Variants in TSGA10 observed in about 807,000 individuals in gnomAD.
TSGA10 encodes the protein testis specific 10.
A neutral mutation model predicts 96.6 loss-of-function variants in TSGA10; 43 were observed. The observed-to-expected ratio is 0.44, with a 90% CI of 0.35 to 0.57. The LOEUF (loss-of-function observed/expected upper bound fraction) is 0.57. Ranked by LOEUF, TSGA10 falls within the 20% of genes least tolerant of loss-of-function variation. The probability of loss-of-function intolerance (pLI) is 0.01; values close to 1 mark genes in which losing one functional copy is unlikely to be tolerated. For synonymous variants in TSGA10, 229 were observed against 269.9 expected (o/e 0.85, Z 1.48); for missense variants, 703 against 834.4 (o/e 0.84, Z 1.94).
intron 20 of TSGA10, among the ~76,000 whole-genome samples, chr2:99,004,965 C>A (rs1004890946): frequency 6.6e-6 from 1 of 152,200 alleles, no homozygotes; most frequent in Admixed American, 6.5e-5. Context: ...GGCTTCATCC[C>A]TGGGATGCAA....
Position 99,109,450 on chromosome 2 carries a change from T to C in TSGA10, c.-11A>G. On this transcript the variant is annotated 5_prime_UTR_variant, in exon 6 of 21. Transcript: ENST00000393483. The stretch of plus-strand genomic sequence containing the variant: ...CCTACTTCGCATCATCTTTCTCAAA[T>C]GTTGAGCTTCACTCTTATAGTGATC... The C allele has an allele frequency of 1.2e-6, 2 of 1,613,934 alleles. No homozygotes were observed. Among genetic ancestry groups the C allele is most frequent in the South Asian group, 1.1e-5 (1 of 91,074 alleles).
intron 12 of TSGA10, among the ~76,000 whole-genome samples, chr2:99,077,192 G>C (rs2086819646): frequency 8.2e-6 from 1 of 122,392 alleles, no homozygotes; most frequent in South Asian, 2.8e-4. Context: ...GCAGGCTGGA[G>C]TAGGATGGCA....
At chr2:99,112,890 G>C (rs1364924383) in intron 4 of TSGA10, among the ~76,000 whole-genome samples, 1 of 141,810 alleles carries the variant, frequency 7.1e-6, no homozygotes, top group East Asian at 2.4e-4. Context: ...GACAAACAAA[G>C]ACTTTACACA....
chr2:99,053,412 C>G (rs2083609354), intron 16 of TSGA10, among the ~76,000 whole-genome samples: 2 of 151,196 alleles, frequency 1.3e-5, no homozygotes, highest in Admixed American at 1.3e-4. Flanking sequence ...GATCATACAC[C>G]ATAATCAAGT....
Position 99,032,190 on chromosome 2 carries a change from G to A in TSGA10, c.1614+3040C>T, listed in dbSNP as rs552820793. On this transcript the variant is annotated intron_variant, in intron 17 of 20. Transcript: ENST00000393483. ...ATTTTTTTATTTACCACTTCCATCC[G>A]TGTCTCTTTCCTGCACTGAGTACTT... Among the ~76,000 whole-genome samples, 21 of 152,058 alleles carry A rather than the reference G, an allele frequency of 1.4e-4. No individual in the cohort carries two copies. The East Asian group carries it at 3.3e-3, about 24-fold the overall frequency.
chr2:99,102,469 C>A (rs1351747296), intron 10 of TSGA10: 10 of 1,613,520 alleles, frequency 6.2e-6, no homozygotes, highest in Non-Finnish European at 8.5e-6. Context: ...TCCTTGGTAG[C>A]CCTTGCTCTG....
chr2:99,034,035 T>C (rs1000565698), intron 17 of TSGA10, among the ~76,000 whole-genome samples: 2 of 152,112 alleles, frequency 1.3e-5, no homozygotes. Context: ...ACCCCTGAAC[T>C]TGGAAGGAAT....
chr2:99,033,209 TAAC>T (rs776965976), intron 17 of TSGA10, among the ~76,000 whole-genome samples: 1 of 152,218 alleles, frequency 6.6e-6, no homozygotes, highest in Admixed American at 6.5e-5. Context: ...CACCTGAACT[TAAC>T]AACGTTTTGC....
chr2:99,082,787 C>T (rs941111894), intron 10 of TSGA10, among the ~76,000 whole-genome samples: 1 of 151,932 alleles, frequency 6.6e-6, no homozygotes. Flanking sequence ...GACTACAGCA[C>T]TATCAAATAG....
chr2:99,127,073 C>G lies in TSGA10; in HGVS notation c.-517G>C, dbSNP rs1158331566. On this transcript the variant is annotated 5_prime_UTR_variant, in exon 2 of 21. Transcript: ENST00000393483. ...CTGTAATTTCAGTGTCGAGATGAAT[C>G]TATCTTGGTTTCTCACTTCTTGTTC... The G allele has an allele frequency of 7.8e-7, 1 of 1,289,426 alleles. No individual in the cohort carries two copies. The highest frequency in any genetic ancestry group is 1.0e-6 in the Non-Finnish European group (1 of 988,752). 79.9% of individuals were successfully genotyped at this position (1,289,426 alleles called of 1,614,324 possible). A position where few individuals can be genotyped will look rare whatever the true frequency, so the allele number is the denominator to read the frequency against.
At chr2:99,064,903 G>A in intron 16 of TSGA10, 36 bp downstream of exon 16, 12 of 1,508,744 alleles carry the variant, frequency 8.0e-6, no homozygotes, top group Non-Finnish European at 9.8e-6. Flanking sequence ...TAAATATGAT[G>A]CAGGATGTAT....
chr2:99,108,839 A>T lies in TSGA10; in HGVS notation c.204T>A (p.Tyr68Ter). 1.9e-6 allele frequency: 3 copies of T among 1,561,614 alleles called. No individual in the cohort carries two copies. The South Asian group carries it at 3.7e-5, about 19-fold the overall frequency. Reference protein sequence around the residue: ...KSERDKIFLLYEQAQEEITRL... With the variant: ...KSERDKIFLL ...TTGTTTTTTGTAAGTTTACCTGTTC[A>T]TAAAGAAGGAAGATCTTGTCTCTCT... The change falls in exon 7 of 21, where the codon TAT (tyrosine) becomes TAA (stop). Residue 68 changes from tyrosine to a stop codon, truncating the protein, a stop_gained. Coordinates refer to ENST00000393483, the MANE Select transcript of TSGA10 (RefSeq NM_025244.4). LOFTEE classifies it high-confidence loss of function.
chr2:99,106,766 TC>T (rs958624874), intron 7 of TSGA10, among the ~76,000 whole-genome samples: 1 of 152,112 alleles, frequency 6.6e-6, no homozygotes, highest in African/African-American at 2.4e-5. Flanking sequence ...TGAGATTCCT[TC>T]CTCCCTTTTA....
chr2:99,058,865 G>A (rs1311954792), intron 16 of TSGA10, among the ~76,000 whole-genome samples: 1 of 151,112 alleles, frequency 6.6e-6, no homozygotes, highest in Non-Finnish European at 1.5e-5. Context: ...GTGAAACCCT[G>A]TCTCTACTAA....
At chr2:99,052,379 T>G (rs1305870362) in intron 16 of TSGA10, among the ~76,000 whole-genome samples, 1 of 152,044 alleles carries the variant, frequency 6.6e-6, no homozygotes, top group African/African-American at 2.4e-5. Context: ...GAATAATTCC[T>G]AGAAATATAC....
At chr2:99,146,156 G>A (rs1056505728) in intron 1 of TSGA10, among the ~76,000 whole-genome samples, 1 of 152,162 alleles carries the variant, frequency 6.6e-6, no homozygotes, top group African/African-American at 2.4e-5. Flanking sequence ...GGTGGCAGGT[G>A]CCTGTAATCC....
At chr2:99,002,302 C>A (rs1200672129) in intron 20 of TSGA10, among the ~76,000 whole-genome samples, 1 of 152,210 alleles carries the variant, frequency 6.6e-6, no homozygotes, top group African/African-American at 2.4e-5. Context: ...AGAAACTCCA[C>A]AAGCCAGAAG....
chr2:99,142,382 A>C (rs1302164233), intron 1 of TSGA10: 1 of 152,236 alleles, frequency 6.6e-6, no homozygotes, highest in African/African-American at 2.4e-5. Flanking sequence ...GAGGAGACTA[A>C]CAATTCCTGT....
Position 99,142,375 on chromosome 2 carries a change from G to A in TSGA10, c.-621+12318C>T, listed in dbSNP as rs570191671. 6.6e-5 allele frequency: 10 copies of A among 152,278 alleles called. No homozygotes were observed. In the East Asian group the frequency reaches 1.9e-3, roughly 29 times the overall value. 9.4% of individuals were successfully genotyped at this position (152,278 alleles called of 1,614,324 possible). A position where few individuals can be genotyped will look rare whatever the true frequency, so the allele number is the denominator to read the frequency against. On this transcript the variant is annotated intron_variant, in intron 1 of 20. Transcript: ENST00000393483. ...TTTCAAGAGTAAGCTCTCGTTTGAG[G>A]AGACTAACAATTCCTGTTTTCGCCA...
Sources: allele counts gnomAD v4.1 joint callset (sites outside exome capture counted in the v4.1 genomes callset), GRCh38; gene constraint gnomAD v4.1.1; transcripts MANE v1.5; gene names NCBI Gene and HGNC (gene_info 2026-07-23, HGNC 2026-07-21).